MDGA2: variants seen among roughly 807,000 people sequenced by gnomAD.
MDGA2 encodes MAM domain-containing glycosylphosphatidylinositol anchor protein 2.
Under a neutral mutation model 117.8 loss-of-function variants are expected in MDGA2, and 40 were observed. That is an observed-to-expected ratio of 0.34 (90% CI 0.26 to 0.44). The LOEUF is 0.44. Ranked by LOEUF, MDGA2 falls within the 20% of genes least tolerant of loss-of-function variation. The pLI is 1.00. For synonymous variants in MDGA2, 452 were observed against 439.0 expected, an observed-to-expected ratio of 1.03 and a Z score of -0.37; for missense variants, 1,123 against 1,250.6, an observed-to-expected ratio of 0.90 and a Z score of 1.54.
At chr14:47,590,816 T>C (rs1896423475) in intron 1 of MDGA2, among the ~76,000 whole-genome samples, 1 of 151,852 alleles carries the variant, frequency 6.6e-6, no homozygotes. Flanking sequence ...TAGAATAAAA[T>C]AAAGAAAATT....
At chr14:47,306,097 T>A (rs1419303374) in intron 1 of MDGA2, 2 of 152,188 alleles carry the variant, frequency 1.3e-5, no homozygotes, top group African/African-American at 4.8e-5. Context: ...TACAGCCTTA[T>A]CAGCTTGCCA....
intron 1 of MDGA2, among the ~76,000 whole-genome samples, chr14:47,648,234 T>G (rs1218272551): frequency 1.3e-5 from 2 of 152,172 alleles, no homozygotes; most frequent in Non-Finnish European, 2.9e-5. Context: ...ATTAGTTACA[T>G]AACCTTTCAC....
intron 1 of MDGA2, among the ~76,000 whole-genome samples, chr14:47,369,073 A>G (rs1294905625): frequency 6.6e-6 from 1 of 152,184 alleles, no homozygotes; most frequent in Non-Finnish European, 1.5e-5. Flanking sequence ...GATAAACACT[A>G]CTATACAATT....
chr14:47,308,504 T>G (rs1389825341), intron 1 of MDGA2, among the ~76,000 whole-genome samples: 1 of 1,992 alleles, frequency 5.0e-4, no homozygotes, highest in African/African-American at 7.7e-4. Flanking sequence ...TTCTGTTAGT[T>G]TTTTTTTTTT....
chr14:47,445,298 T>A (rs565619354), intron 1 of MDGA2, among the ~76,000 whole-genome samples: 4 of 152,240 alleles, frequency 2.6e-5, no homozygotes, highest in Non-Finnish European at 2.9e-5. Context: ...TAAAACACAC[T>A]TGAAACAGCA....
intron 3 of MDGA2, among the ~76,000 whole-genome samples, chr14:47,198,897 A>C (rs1403461424): frequency 6.6e-6 from 1 of 152,194 alleles, no homozygotes; most frequent in Admixed American, 6.6e-5. Flanking sequence ...TATCTTAATC[A>C]ATAAACGCTG....
At chr14:46,906,883 T>C (rs1269917340) in intron 10 of MDGA2, among the ~76,000 whole-genome samples, 6 of 152,046 alleles carry the variant, frequency 3.9e-5, no homozygotes, top group Non-Finnish European at 7.4e-5. Context: ...TAATGGCACA[T>C]TAAAAATGTG....
chr14:47,359,475 C>A (rs1413903220), intron 1 of MDGA2, among the ~76,000 whole-genome samples: 1 of 151,956 alleles, frequency 6.6e-6, no homozygotes, highest in African/African-American at 2.4e-5. Flanking sequence ...AATAAAGGGC[C>A]CAGAAACAAA....
At chr14:47,282,238 G>A (rs989430408) in intron 2 of MDGA2, among the ~76,000 whole-genome samples, 1 of 152,078 alleles carries the variant, frequency 6.6e-6, no homozygotes, top group Non-Finnish European at 1.5e-5. Flanking sequence ...ATGGGCTGGT[G>A]TTATTATATA....
chr14:47,173,502 C>G (rs1884280310), intron 3 of MDGA2, among the ~76,000 whole-genome samples: 1 of 152,130 alleles, frequency 6.6e-6, no homozygotes, highest in Non-Finnish European at 1.5e-5. Flanking sequence ...ATTCAACATT[C>G]TTAAAGAAAA....
chr14:46,949,815 G>C (rs1422050582), intron 9 of MDGA2, among the ~76,000 whole-genome samples: 2 of 151,870 alleles, frequency 1.3e-5, no homozygotes, highest in African/African-American at 4.8e-5. Context: ...AATAAACATA[G>C]GAGTTGAGGT....
At position 47,225,350 on chromosome 14, in the gene MDGA2, A is replaced by T. The variant is rs561429874; in HGVS notation, c.421-7155T>A. On this transcript the variant is annotated intron_variant, in intron 2 of 16. Transcript: ENST00000399232. ...GACTATAAATCATGCTGCTATAAAGACACATGCACACGTATGTTTATTGCG... is the reference window on the plus strand; with the variant it reads ...GACTATAAATCATGCTGCTATAAAGTCACATGCACACGTATGTTTATTGCG... Among the ~76,000 whole-genome samples the T allele has an allele frequency of 2.4e-4, 37 of 151,898 alleles. 3 individuals are homozygous for T. In the South Asian group the frequency reaches 7.3e-3, roughly 30 times the overall value.
chr14:47,051,409 A>T (rs1019937048), intron 7 of MDGA2, among the ~76,000 whole-genome samples: 1 of 151,990 alleles, frequency 6.6e-6, no homozygotes, highest in Admixed American at 6.6e-5. Context: ...CATGTTCCAT[A>T]AAGGCACCAT....
At chr14:47,288,050 A>C (rs1013510014) in intron 2 of MDGA2, among the ~76,000 whole-genome samples, 5 of 152,160 alleles carry the variant, frequency 3.3e-5, no homozygotes, top group Non-Finnish European at 7.4e-5. Context: ...CTAGCCTCCA[A>C]ACGGAGAGGG....
chr14:47,388,859 A>C (rs1404403306), intron 1 of MDGA2, among the ~76,000 whole-genome samples: 1 of 152,180 alleles, frequency 6.6e-6, no homozygotes, highest in Non-Finnish European at 1.5e-5. Flanking sequence ...ATACGATGAC[A>C]CACTCAGCCT....
At chr14:47,501,790 G>A (rs1894405097) in intron 1 of MDGA2, among the ~76,000 whole-genome samples, 1 of 152,080 alleles carries the variant, frequency 6.6e-6, no homozygotes, top group African/African-American at 2.4e-5. Flanking sequence ...GAAGTGGCAT[G>A]GCCTTGCTGA....
intron 15 of MDGA2, among the ~76,000 whole-genome samples, chr14:46,854,760 G>A (rs1039118860): frequency 2.0e-5 from 3 of 151,486 alleles, no homozygotes; most frequent in African/African-American, 7.3e-5. Context: ...TATAGAAATG[G>A]ATTACATTTT....
At chr14:47,016,371 T>G (rs1179499593) in intron 8 of MDGA2, among the ~76,000 whole-genome samples, 1 of 152,066 alleles carries the variant, frequency 6.6e-6, no homozygotes, top group African/African-American at 2.4e-5. Context: ...AGTTATTATA[T>G]TACATCCTTA....
chr14:47,540,740 A>AT (rs906671394), intron 1 of MDGA2, among the ~76,000 whole-genome samples: 1 of 151,200 alleles, frequency 6.6e-6, no homozygotes, highest in Non-Finnish European at 1.5e-5. Context: ...AAAAACATGT[A>AT]TTTTTTTAGA....
Sources: allele counts gnomAD v4.1 joint callset (sites outside exome capture counted in the v4.1 genomes callset), GRCh38; gene constraint gnomAD v4.1.1; transcripts MANE v1.5; gene names NCBI Gene and HGNC (gene_info 2026-07-23, HGNC 2026-07-21).